PCSK5: variants seen among roughly 807,000 people sequenced by gnomAD.
PCSK5 encodes the protein prohormone convertase 5.
A neutral mutation model predicts 233.2 loss-of-function variants in PCSK5; 129 were observed. That is an observed-to-expected ratio of 0.55 (90% CI 0.48 to 0.64). PCSK5 has a LOEUF of 0.64. Among genes scored for constraint, PCSK5 ranks in the 30% least tolerant of loss-of-function variants. The pLI is 0.00. For synonymous variants in PCSK5, 825 were observed against 879.2 expected (o/e 0.94, Z 1.09); for missense variants, 2,076 against 2,430.1 (o/e 0.85, Z 3.06).
intron 5 of PCSK5, among the ~76,000 whole-genome samples, chr9:76,057,234 C>A (rs1178494935): frequency 6.6e-6 from 1 of 152,122 alleles, no homozygotes; most frequent in East Asian, 1.9e-4. Flanking sequence ...TTGCTGACCA[C>A]CCTTATAATT....
chr9:76,327,304 G>C (rs1017097559), intron 32 of PCSK5, among the ~76,000 whole-genome samples: 1 of 151,770 alleles, frequency 6.6e-6, no homozygotes, highest in Non-Finnish European at 1.5e-5. Context: ...ACAGTGTCTT[G>C]CCATGTTGCT....
At chr9:76,179,055 C>G (rs1823735572) in intron 14 of PCSK5, among the ~76,000 whole-genome samples, 1 of 152,082 alleles carries the variant, frequency 6.6e-6, no homozygotes, top group African/African-American at 2.4e-5. Flanking sequence ...AATTTTAAAT[C>G]TATTATCTGT....
In PCSK5 at chr9:76,358,490, CCTTT is replaced by C. The variant is rs775841287; in HGVS notation, c.5255-22_5255-19del. 2.5e-6 allele frequency: 4 copies of C among 1,590,512 alleles called. No individual in the cohort carries two copies. The African/African-American group carries it at 4.0e-5, about 16-fold the overall frequency. On this transcript the variant is annotated intron_variant, in intron 37 of 37. Coordinates refer to ENST00000674117, the MANE Select transcript of PCSK5 (RefSeq NM_001372043.1). ...TTTCACTTTTTCCCTCTTGCCTCTT[CCTTT>C]GAGGTCTTCTTCCAACAGACGAATG...
At chr9:76,315,414 C>T (rs1279661594) in intron 30 of PCSK5, among the ~76,000 whole-genome samples, 1 of 152,114 alleles carries the variant, frequency 6.6e-6, no homozygotes, top group Non-Finnish European at 1.5e-5. Context: ...GGTGAAGGCC[C>T]AGGACCACAC....
intron 2 of PCSK5, among the ~76,000 whole-genome samples, chr9:75,965,098 A>T (rs1202887649): frequency 6.6e-6 from 1 of 152,138 alleles, no homozygotes; most frequent in African/African-American, 2.4e-5. Flanking sequence ...GATCTCTTAG[A>T]TCCTGCCCCA....
intron 8 of PCSK5, among the ~76,000 whole-genome samples, chr9:76,104,299 G>A (rs1263342860): frequency 6.6e-6 from 1 of 152,156 alleles, no homozygotes; most frequent in Admixed American, 6.6e-5. Context: ...CAAGCAGGAT[G>A]AGAAGGGAGT....
At chr9:76,218,242 G>A (rs746210074) in intron 20 of PCSK5, among the ~76,000 whole-genome samples, 62 of 152,230 alleles carry the variant, frequency 4.1e-4, no homozygotes, top group Non-Finnish European at 7.6e-4. Context: ...AGGAAAAGCT[G>A]GCTTTGTTTG....
chr9:76,150,021 TAATA>T (rs1823599792), intron 10 of PCSK5, among the ~76,000 whole-genome samples: 1 of 152,226 alleles, frequency 6.6e-6, no homozygotes, highest in African/African-American at 2.4e-5. Flanking sequence ...ATACAGAATA[TAATA>T]AATTGTGTGT....
intron 33 of PCSK5, 80 bp downstream of exon 33, chr9:76,328,319 A>G (rs1295879586): frequency 4.3e-5 from 42 of 984,774 alleles, no homozygotes; most frequent in Non-Finnish European, 6.2e-5. Context: ...TCCAGTAGAT[A>G]CTGGCTTCTT....
chr9:76,086,090 CCTT>C (rs561988441), intron 7 of PCSK5, among the ~76,000 whole-genome samples: 94 of 152,124 alleles, frequency 6.2e-4, no homozygotes, highest in Non-Finnish European at 1.2e-3. Flanking sequence ...TTAGAAATGT[CCTT>C]CTTAATTTCA....
chr9:75,900,273 T>C (rs1825968966), intron 1 of PCSK5, among the ~76,000 whole-genome samples: 2 of 152,328 alleles, frequency 1.3e-5, no homozygotes, highest in East Asian at 1.9e-4. Context: ...GTGTAAGGGA[T>C]ATAATAACAA....
chr9:76,084,709 TA>T lies in PCSK5; in HGVS notation c.895-11178del, dbSNP rs774600055. ...TACTAATTTTGAATTTCTATGATTC[TA>T]AACAGAGATTTGAGAAAGTTGATAG... is the stretch of plus-strand genomic sequence containing the variant. On this transcript the variant is annotated intron_variant, in intron 7 of 37. Transcript: ENST00000674117. Among the ~76,000 whole-genome samples the T allele has an allele frequency of 3.3e-5, 5 of 152,192 alleles. No individual in the cohort carries two copies. The East Asian group carries it at 9.6e-4, about 29-fold the overall frequency.
At chr9:76,186,805 A>T (rs997637828) in intron 17 of PCSK5, among the ~76,000 whole-genome samples, 3 of 152,042 alleles carry the variant, frequency 2.0e-5, no homozygotes, top group Non-Finnish European at 4.4e-5. Flanking sequence ...CCTTTTTTCT[A>T]GTGCTACAGA....
chr9:76,332,353 C>A, intron 33 of PCSK5, 80 bp from the exon 34 acceptor site: 1 of 1,030,010 alleles, frequency 9.7e-7, no homozygotes, highest in Non-Finnish European at 1.5e-6. Context: ...TCCCTCCCGC[C>A]ATGGTACACA....
chr9:76,221,625 G>T (rs1012193478), intron 20 of PCSK5, among the ~76,000 whole-genome samples: 2 of 152,242 alleles, frequency 1.3e-5, no homozygotes, highest in Admixed American at 1.3e-4. Context: ...AGGTGCGTCA[G>T]CCAAGACTTC....
chr9:76,060,078 A>G (rs1829972013), intron 5 of PCSK5, among the ~76,000 whole-genome samples: 2 of 152,212 alleles, frequency 1.3e-5, no homozygotes, highest in Admixed American at 1.3e-4. Context: ...AATGTTCTTC[A>G]GAAAGAAATC....
At chr9:76,004,005 G>A (rs370296775) in intron 3 of PCSK5, among the ~76,000 whole-genome samples, 8 of 151,990 alleles carry the variant, frequency 5.3e-5, no homozygotes, top group Non-Finnish European at 8.8e-5. Flanking sequence ...TTCGTGTTCC[G>A]TAGGTTGGTC....
intron 9 of PCSK5, among the ~76,000 whole-genome samples, chr9:76,124,545 G>T (rs1027651488): frequency 1.3e-5 from 2 of 151,870 alleles, no homozygotes; most frequent in African/African-American, 4.8e-5. Flanking sequence ...AGGAGATCAC[G>T]ATCGTCCCGG....
At chr9:76,015,978 G>T (rs1272208) in intron 3 of PCSK5, among the ~76,000 whole-genome samples, 104,667 of 152,106 alleles carry the variant, frequency 0.69, 36,979 homozygotes, top group East Asian at 0.86. Context: ...ATGATTATTT[G>T]ACACTTTTAC....
Sources: gnomAD v4.1 joint callset for allele counts (sites outside exome capture counted in the v4.1 genomes callset) on GRCh38, gnomAD v4.1.1 for gene constraint, MANE v1.5 for transcripts, NCBI Gene and HGNC (gene_info 2026-07-23, HGNC 2026-07-21) for gene names.